Variants in PTPRA observed in about 807,000 individuals in gnomAD.
PTPRA encodes protein tyrosine phosphatase receptor type A.
Under a neutral mutation model 104.8 loss-of-function variants are expected in PTPRA, and 25 were observed. The observed-to-expected ratio is 0.24, with a 90% CI of 0.17 to 0.33. The LOEUF is 0.33. Among genes scored for constraint, PTPRA ranks in the 10% least tolerant of loss-of-function variants. The probability of loss-of-function intolerance (pLI) is 1.00; values close to 1 mark genes in which losing one functional copy is unlikely to be tolerated. For synonymous variants in PTPRA, 323 were observed against 368.9 expected, an observed-to-expected ratio of 0.88 and a Z score of 1.43; for missense variants, 765 against 1,015.3, an observed-to-expected ratio of 0.75 and a Z score of 3.35.
intron 3 of PTPRA, among the ~76,000 whole-genome samples, chr20:2,951,867 G>A (rs1050163678): frequency 4.6e-5 from 7 of 152,130 alleles, no homozygotes; most frequent in Non-Finnish European, 7.4e-5. Flanking sequence ...AAGGCTGGGC[G>A]CGGTGGCTCA....
the PTPRA span, among the ~76,000 whole-genome samples, chr20:2,867,002 G>A: frequency 6.6e-6 from 1 of 152,258 alleles, no homozygotes; most frequent in South Asian, 2.1e-4. Flanking sequence ...GTGTGTGTGC[G>A]TGTAAACACG....
chr20:2,864,418 A>G, the PTPRA span: 1 of 1,614,056 alleles, frequency 6.2e-7, no homozygotes, highest in African/African-American at 1.3e-5. The surrounding 1 kb of genome is among the most constrained non-coding windows in gnomAD (Gnocchi z 5.2). Context: ...AGATTTTTTC[A>G]TGACCCTTCG....
chr20:3,019,369 T>C (rs1260640116), intron 13 of PTPRA, among the ~76,000 whole-genome samples: 3 of 141,952 alleles, frequency 2.1e-5, no homozygotes, highest in East Asian at 2.3e-4. Context: ...GGGCGGCTGC[T>C]GGGCGGAGGG....
chr20:3,020,739 G>GTATC (rs2064826109), intron 13 of PTPRA, among the ~76,000 whole-genome samples: 1 of 152,310 alleles, frequency 6.6e-6, no homozygotes, highest in East Asian at 1.9e-4. Flanking sequence ...TGATCCTAGG[G>GTATC]TATCGGGTGT....
chr20:2,888,969 T>G (rs2058698231), intron 1 of PTPRA, among the ~76,000 whole-genome samples: 2 of 152,190 alleles, frequency 1.3e-5, no homozygotes, highest in African/African-American at 2.4e-5. Context: ...GTGGGAGAGA[T>G]TACTTAAACC....
In PTPRA at chr20:2,969,496, C is replaced by T. The variant is rs977389423; in HGVS notation, c.415+4294C>T. On this transcript the variant is annotated intron_variant, in intron 5 of 23. Transcript: ENST00000399903. ...TCCTGACCTCATGATCCACCTGCCC[C>T]GGCCTCCCAAAGTGCTGGTATTACA... Among the ~76,000 whole-genome samples the T allele has an allele frequency of 1.8e-4, 27 of 151,862 alleles. No homozygotes were observed. In the South Asian group the frequency reaches 2.9e-3, roughly 16 times the overall value.
chr20:2,911,964 C>T (rs2059738223), intron 1 of PTPRA, among the ~76,000 whole-genome samples: 1 of 152,034 alleles, frequency 6.6e-6, no homozygotes, highest in Non-Finnish European at 1.5e-5. Context: ...ATTAGAAGGC[C>T]GGGCATGGGG....
At chr20:2,940,684 A>T (rs1490176579) in intron 2 of PTPRA, among the ~76,000 whole-genome samples, 1 of 152,138 alleles carries the variant, frequency 6.6e-6, no homozygotes, top group African/African-American at 2.4e-5. Flanking sequence ...TCTCAGAGAG[A>T]AAAAGAGAGA....
intron 2 of PTPRA, among the ~76,000 whole-genome samples, chr20:2,940,794 G>A (rs1322919836): frequency 1.3e-5 from 2 of 152,202 alleles, no homozygotes; most frequent in South Asian, 2.1e-4. Context: ...TTCATGGTAC[G>A]ACAGCAGAGT....
intron 3 of PTPRA, among the ~76,000 whole-genome samples, chr20:2,948,767 C>T (rs575657315): frequency 2.0e-4 from 31 of 151,860 alleles, no homozygotes; most frequent in East Asian, 1.7e-3. Context: ...CTGGCTAACA[C>T]AGTGAAACCC....
At chr20:2,987,558 T>C (rs2062959556) in intron 7 of PTPRA, among the ~76,000 whole-genome samples, 2 of 152,232 alleles carry the variant, frequency 1.3e-5, no homozygotes, top group African/African-American at 4.8e-5. Flanking sequence ...AGAGGAATCA[T>C]GTGCCCCCTA....
intron 1 of PTPRA, among the ~76,000 whole-genome samples, chr20:2,889,108 G>A (rs1406842189): frequency 6.6e-6 from 1 of 152,174 alleles, no homozygotes; most frequent in African/African-American, 2.4e-5. Flanking sequence ...TGGGAAAAGG[G>A]CTTTTGTATA....
In PTPRA at chr20:3,027,105, G is replaced by A. The variant is rs187738426; in HGVS notation, c.1709-16G>A. ...AAATGATATTGGCTAGCCATAAGCC[G>A]CTATTCTTCTTACAGATGAATTCAA... On this transcript the variant is annotated splice_polypyrimidine_tract_variant and intron_variant, in intron 18 of 23. Transcript: ENST00000399903. 4.4e-4 allele frequency: 708 copies of A among 1,612,804 alleles called. 5 individuals carry two copies. The African/African-American group carries it at 7.4e-3, about 17-fold the overall frequency.
At chr20:2,904,784 T>A (rs551416552) in intron 1 of PTPRA, among the ~76,000 whole-genome samples, 2 of 146,524 alleles carry the variant, frequency 1.4e-5, no homozygotes, top group African/African-American at 2.5e-5. Context: ...AGGAGTGAAA[T>A]GAAAAAAGAA....
chr20:2,916,317 A>G (rs2059902183), intron 1 of PTPRA, among the ~76,000 whole-genome samples: 1 of 152,216 alleles, frequency 6.6e-6, no homozygotes, highest in African/African-American at 2.4e-5. Context: ...TGCTGGGATT[A>G]CAGGCGTGAG....
chr20:2,978,591 A>G (rs1376692580), intron 6 of PTPRA, among the ~76,000 whole-genome samples: 1 of 152,152 alleles, frequency 6.6e-6, no homozygotes, highest in African/African-American at 2.4e-5. Context: ...TTTCAAGGAA[A>G]GAAGTTATAG....
chr20:2,943,545 C>A (rs1028122166), intron 2 of PTPRA, among the ~76,000 whole-genome samples: 1 of 152,058 alleles, frequency 6.6e-6, no homozygotes, highest in African/African-American at 2.4e-5. Flanking sequence ...CCAAAAAAAC[C>A]CCTCACAGAA....
chr20:2,949,210 A>G (rs188228841), intron 3 of PTPRA, among the ~76,000 whole-genome samples: 7 of 151,602 alleles, frequency 4.6e-5, no homozygotes, highest in East Asian at 1.9e-4. Context: ...ATCAGTGGCT[A>G]TTTTTGCTAG....
intron 20 of PTPRA, among the ~76,000 whole-genome samples, chr20:3,029,883 T>C (rs1427447669): frequency 6.6e-6 from 1 of 152,142 alleles, no homozygotes; most frequent in Non-Finnish European, 1.5e-5. Context: ...TTAAGGTGCT[T>C]GGCTTTGCAC....
Sources: allele counts gnomAD v4.1 joint callset (sites outside exome capture counted in the v4.1 genomes callset), GRCh38; gene constraint gnomAD v4.1.1; non-coding constraint Gnocchi (gnomAD v3.1); transcripts MANE v1.5; gene names NCBI Gene and HGNC (gene_info 2026-07-23, HGNC 2026-07-21).